The following PPP1R1C variants were observed in gnomAD, a reference collection of about 807,000 sequenced individuals.
PPP1R1C encodes the protein protein phosphatase 1 regulatory subunit 1C.
Under a neutral mutation model 17.4 loss-of-function variants are expected in PPP1R1C, and 15 were observed. The observed-to-expected ratio is 0.86, with a 90% CI of 0.58 to 1.33. PPP1R1C has a LOEUF of 1.33. Among genes scored for constraint, PPP1R1C ranks in the 40% most tolerant of loss-of-function variants. PPP1R1C has a pLI of 0.00. For missense variants in PPP1R1C, 143 were observed against 130.0 expected, an observed-to-expected ratio of 1.10 and a Z score of -0.48; for synonymous variants, 35 against 43.1, an observed-to-expected ratio of 0.81 and a Z score of 0.73.
intron 2 of PPP1R1C, among the ~76,000 whole-genome samples, chr2:182,001,178 A>T (rs1054021461): frequency 1.3e-5 from 2 of 152,176 alleles, no homozygotes; most frequent in Non-Finnish European, 2.9e-5. Flanking sequence ...CATCTCAACA[A>T]GAATGAATTT....
intron 4 of PPP1R1C, among the ~76,000 whole-genome samples, chr2:182,103,239 G>A (rs1689151328): frequency 6.6e-6 from 1 of 152,122 alleles, no homozygotes; most frequent in Admixed American, 6.5e-5. Flanking sequence ...TTTTCCCCTA[G>A]TTATTAAATT....
chr2:182,060,559 C>A (rs181213920), intron 2 of PPP1R1C, among the ~76,000 whole-genome samples: 7 of 152,112 alleles, frequency 4.6e-5, no homozygotes, highest in Non-Finnish European at 7.4e-5. Flanking sequence ...CTACATACAT[C>A]TATCCTTTAT....
intron 5 of PPP1R1C, among the ~76,000 whole-genome samples, chr2:182,124,559 C>T (rs925505523): frequency 1.3e-5 from 2 of 151,746 alleles, no homozygotes; most frequent in Non-Finnish European, 2.9e-5. Flanking sequence ...TGTTTGTGTC[C>T]TCTCTTATTT....
intron 4 of PPP1R1C, among the ~76,000 whole-genome samples, chr2:182,090,705 A>G (rs1352095733): frequency 6.6e-6 from 1 of 152,218 alleles, no homozygotes; most frequent in Non-Finnish European, 1.5e-5. Flanking sequence ...AAGTCAGAGA[A>G]TATTCCAGGT....
chr2:182,043,367 A>T (rs1687243112), intron 2 of PPP1R1C, among the ~76,000 whole-genome samples: 1 of 152,240 alleles, frequency 6.6e-6, no homozygotes, highest in African/African-American at 2.4e-5. Flanking sequence ...TGAACTCAAA[A>T]TACTTATTTA....
chr2:182,098,871 TG>T (rs896371145), intron 4 of PPP1R1C, among the ~76,000 whole-genome samples: 4 of 152,222 alleles, frequency 2.6e-5, no homozygotes, highest in African/African-American at 9.6e-5. Context: ...TCCTATGCCT[TG>T]CATTATCTTT....
At chr2:181,997,280 T>C (rs1031847297) in intron 2 of PPP1R1C, among the ~76,000 whole-genome samples, 1 of 149,502 alleles carries the variant, frequency 6.7e-6, no homozygotes, top group Non-Finnish European at 1.5e-5. Context: ...TTTACATGCA[T>C]GAACACACGT....
At chr2:182,003,085 G>C (rs903011656) in intron 2 of PPP1R1C, among the ~76,000 whole-genome samples, 16 of 152,050 alleles carry the variant, frequency 1.1e-4, no homozygotes, top group African/African-American at 3.9e-4. Context: ...TCAACATATA[G>C]GGGAAATGGG....
chr2:181,960,736 G>T (rs116780409), intron 1 of PPP1R1C, among the ~76,000 whole-genome samples: 302 of 152,334 alleles, frequency 2.0e-3, no homozygotes, highest in African/African-American at 6.9e-3. Flanking sequence ...AGGCAGTGGG[G>T]ACAGCTGAAA....
intron 4 of PPP1R1C, among the ~76,000 whole-genome samples, chr2:182,088,536 G>A (rs1007736951): frequency 3.9e-5 from 6 of 152,140 alleles, no homozygotes; most frequent in Non-Finnish European, 8.8e-5. Flanking sequence ...AGAGTTTGTG[G>A]GTAGCAGTCA....
At chr2:182,037,456 G>A (rs1687045138) in intron 2 of PPP1R1C, among the ~76,000 whole-genome samples, 1 of 152,036 alleles carries the variant, frequency 6.6e-6, no homozygotes, top group South Asian at 2.1e-4. Flanking sequence ...GTGTGGTGGT[G>A]GGTGCCTGTA....
intron 2 of PPP1R1C, among the ~76,000 whole-genome samples, chr2:182,053,853 T>A (rs1574414117): frequency 1.3e-5 from 2 of 152,042 alleles, no homozygotes; most frequent in South Asian, 4.1e-4. Context: ...TGATCTCAGC[T>A]CACCACAACC....
chr2:182,059,568 G>T (rs1687788856), intron 2 of PPP1R1C, among the ~76,000 whole-genome samples: 1 of 152,040 alleles, frequency 6.6e-6, no homozygotes, highest in South Asian at 2.1e-4. Context: ...TCTGTTATTG[G>T]CTTCCGTTGT....
At chr2:181,959,343 C>A (rs1684726365) in intron 1 of PPP1R1C, among the ~76,000 whole-genome samples, 1 of 152,180 alleles carries the variant, frequency 6.6e-6, no homozygotes, top group South Asian at 2.1e-4. Context: ...ATTTACTCAA[C>A]TGATAAACTT....
Position 182,117,308 on chromosome 2 carries a change from A to T in PPP1R1C, c.*13A>T, listed in dbSNP as rs1335592410. 10 of 1,520,946 alleles carry T rather than the reference A, an allele frequency of 6.6e-6. No homozygotes were observed. Among genetic ancestry groups the T allele is most frequent in the Non-Finnish European group, 8.9e-6 (10 of 1,125,340 alleles). The allele number at this position is 1,520,946 out of a possible 1,614,324, so 94.2% of individuals were successfully genotyped here. A position where few individuals can be genotyped will look rare whatever the true frequency, so the allele number is the denominator to read the frequency against. ...GCGGGACCATTAATTACTGGTCTGC[A>T]GCAAGAAGGCTTCTTGGAAATAACT... On this transcript the variant is annotated 3_prime_UTR_variant, in exon 5 of 5. Transcript: ENST00000682840.
At chr2:182,041,078 G>T (rs1460566496) in intron 2 of PPP1R1C, among the ~76,000 whole-genome samples, 2 of 152,090 alleles carry the variant, frequency 1.3e-5, no homozygotes, top group African/African-American at 4.8e-5. Context: ...TTTAATTCCT[G>T]TAATGCGATA....
chr2:181,999,647 A>G (rs896543473), intron 2 of PPP1R1C, among the ~76,000 whole-genome samples: 2 of 152,058 alleles, frequency 1.3e-5, no homozygotes, highest in Admixed American at 6.5e-5. Flanking sequence ...TATGTATTTC[A>G]TCTTTATTCC....
intron 2 of PPP1R1C, among the ~76,000 whole-genome samples, chr2:182,048,649 C>G (rs932476987): frequency 6.6e-6 from 1 of 152,190 alleles, no homozygotes; most frequent in East Asian, 1.9e-4. Context: ...CCATTCAATT[C>G]TGAAGGCTCA....
At chr2:182,111,265 C>T (rs532837638) in intron 4 of PPP1R1C, among the ~76,000 whole-genome samples, 6 of 152,076 alleles carry the variant, frequency 3.9e-5, no homozygotes, top group Non-Finnish European at 7.4e-5. Flanking sequence ...AGCACATAAA[C>T]ATGTTGTCCC....
Sources: gnomAD v4.1 joint callset for allele counts (sites outside exome capture counted in the v4.1 genomes callset) on GRCh38, gnomAD v4.1.1 for gene constraint, MANE v1.5 for transcripts, NCBI Gene and HGNC (gene_info 2026-07-23, HGNC 2026-07-21) for gene names.